Variants in ATRNL1 observed in about 807,000 individuals in gnomAD.
The protein encoded by ATRNL1 is attractin-like protein 1.
Under a neutral mutation model 182.7 loss-of-function variants are expected in ATRNL1, and 95 were observed. The observed-to-expected ratio is 0.52, with a 90% confidence interval of 0.44 to 0.62. The LOEUF is 0.62. ATRNL1 is among the 20% of genes least tolerant of loss of function. ATRNL1 has a pLI of 0.00. For missense variants in ATRNL1, 1,471 were observed against 1,679.5 expected (o/e 0.88, Z 2.17); for synonymous variants, 576 against 568.3 (o/e 1.01, Z -0.19).
chr10:115,927,000 C>T (rs999491863), intron 28 of ATRNL1, among the ~76,000 whole-genome samples: 3 of 152,000 alleles, frequency 2.0e-5, no homozygotes, highest in African/African-American at 4.8e-5. Context: ...TGATGAACAT[C>T]GATGCAAAAA....
intron 19 of ATRNL1, among the ~76,000 whole-genome samples, chr10:115,377,952 G>A (rs597657): frequency 0.027 from 4,047 of 152,142 alleles, 211 homozygotes; most frequent in African/African-American, 0.093. Context: ...CAGACATTTG[G>A]TCTGTGGCCA....
intron 26 of ATRNL1, among the ~76,000 whole-genome samples, chr10:115,692,066 CA>C (rs1401608635): frequency 7.9e-5 from 12 of 152,244 alleles, no homozygotes; most frequent in African/African-American, 2.9e-4. Context: ...TTAACTTCAC[CA>C]ATGAGGCAGT....
intron 15 of ATRNL1, among the ~76,000 whole-genome samples, chr10:115,290,961 A>T (rs1313274280): frequency 2.0e-5 from 3 of 152,164 alleles, no homozygotes; most frequent in Admixed American, 2.0e-4. Context: ...CACGTGGTTG[A>T]CAAAGAAAAG....
Position 115,948,349 on chromosome 10 carries a change from AG to A in ATRNL1, c.*3572del, listed in dbSNP as rs1953921021. On this transcript the variant is annotated 3_prime_UTR_variant, in exon 29 of 29. Transcript: ENST00000355044. ...AGTGAACATAAAACTATGATTTGAA[AG>A]GTGTCTTATATTTAAAAAAGATTGT... The A allele has an allele frequency of 6.6e-6, 1 of 152,234 alleles. No homozygotes were observed. Among genetic ancestry groups the A allele is most frequent in the Non-Finnish European group, 1.5e-5 (1 of 68,038 alleles). The allele number at this position is 152,234 out of a possible 1,614,324, so 9.4% of individuals were successfully genotyped here.
At chr10:115,468,912 G>A (rs1848181208) in intron 23 of ATRNL1, among the ~76,000 whole-genome samples, 1 of 150,512 alleles carries the variant, frequency 6.6e-6, no homozygotes, top group African/African-American at 2.4e-5. Context: ...GATATTATTG[G>A]TTTTAAAAAA....
chr10:115,511,578 C>T lies in ATRNL1; in HGVS notation c.3655-7685C>T, dbSNP rs182578030. 1.7e-3 allele frequency among the ~76,000 whole-genome samples: 257 copies of T among 151,902 alleles called. 2 individuals are homozygous for T. Among genetic ancestry groups the T allele is most frequent in the Non-Finnish European group, 5.8e-4 (39 of 67,822 alleles). Reference sequence around the variant, plus strand: ...CTGGCAAGCTGACGTTTTGCACAAACACATCAATTTATCTTTCATAAAATA... The same window carrying T: ...CTGGCAAGCTGACGTTTTGCACAAATACATCAATTTATCTTTCATAAAATA... On this transcript the variant is annotated intron_variant, in intron 24 of 28. Transcript: ENST00000355044.
chr10:115,821,336 T>C (rs1555090253), intron 27 of ATRNL1, among the ~76,000 whole-genome samples: 1 of 152,194 alleles, frequency 6.6e-6, no homozygotes, highest in Non-Finnish European at 1.5e-5. Flanking sequence ...CGTTAGTTGA[T>C]GCAGTTTCTT....
At chr10:115,245,997 GATT>G (rs1850621526) in intron 10 of ATRNL1, among the ~76,000 whole-genome samples, 1 of 151,950 alleles carries the variant, frequency 6.6e-6, no homozygotes, top group African/African-American at 2.4e-5. Flanking sequence ...TTTTTGTTGG[GATT>G]ATATACAAGA....
intron 17 of ATRNL1, among the ~76,000 whole-genome samples, chr10:115,312,775 C>T (rs1554928290): frequency 1.3e-5 from 2 of 152,128 alleles, no homozygotes; most frequent in East Asian, 3.8e-4. Flanking sequence ...TACCTAATCT[C>T]ATATTTCTTG....
At chr10:115,388,756 G>C (rs1345358909) in intron 19 of ATRNL1, among the ~76,000 whole-genome samples, 3 of 151,568 alleles carry the variant, frequency 2.0e-5, no homozygotes, top group Admixed American at 6.6e-5. Context: ...CATTCATGGA[G>C]ATTTGTAATT....
intron 20 of ATRNL1, among the ~76,000 whole-genome samples, chr10:115,404,352 A>C (rs1194919143): frequency 6.6e-6 from 1 of 152,200 alleles, no homozygotes; most frequent in Non-Finnish European, 1.5e-5. Flanking sequence ...TCCGGTAGAC[A>C]GAAGTAACAC....
intron 26 of ATRNL1, among the ~76,000 whole-genome samples, chr10:115,644,978 A>G (rs1180418064): frequency 1.3e-5 from 2 of 152,142 alleles, no homozygotes. Context: ...CACTTGCAAG[A>G]TAGAAAGGCG....
chr10:115,684,480 A>AT (rs1946155935), intron 26 of ATRNL1, among the ~76,000 whole-genome samples: 1 of 150,498 alleles, frequency 6.6e-6, no homozygotes, highest in African/African-American at 2.4e-5. Flanking sequence ...TAACAATTTT[A>AT]TATCTGTAAG....
chr10:115,742,562 A>G (rs1948169152), intron 27 of ATRNL1, among the ~76,000 whole-genome samples: 1 of 152,128 alleles, frequency 6.6e-6, no homozygotes, highest in Admixed American at 6.6e-5. Context: ...TAAGACAAAA[A>G]CTGAGTTATC....
At chr10:115,342,073 T>C (rs553420498) in intron 19 of ATRNL1, among the ~76,000 whole-genome samples, 2 of 152,248 alleles carry the variant, frequency 1.3e-5, no homozygotes, top group East Asian at 3.9e-4. Context: ...GGTTGTTTTG[T>C]GTTCTTCTCT....
intron 1 of ATRNL1, among the ~76,000 whole-genome samples, chr10:115,107,550 G>T (rs559609712): frequency 5.2e-4 from 79 of 152,126 alleles, no homozygotes; most frequent in African/African-American, 1.8e-3. Flanking sequence ...CATGCCTGCC[G>T]CTCTTATAGT....
chr10:115,101,621 T>G (rs1402941926), intron 1 of ATRNL1, among the ~76,000 whole-genome samples: 1 of 152,188 alleles, frequency 6.6e-6, no homozygotes, highest in Non-Finnish European at 1.5e-5. Flanking sequence ...TATTTAGAAT[T>G]TTTGTATCTG....
intron 20 of ATRNL1, among the ~76,000 whole-genome samples, chr10:115,412,828 A>G (rs188957050): frequency 2.0e-5 from 3 of 152,298 alleles, no homozygotes; most frequent in African/African-American, 7.2e-5. Context: ...AGTAATTTAC[A>G]TTTTATATCT....
chr10:115,569,107 A>C (rs1555002703), intron 26 of ATRNL1, among the ~76,000 whole-genome samples: 1 of 152,072 alleles, frequency 6.6e-6, no homozygotes, highest in African/African-American at 2.4e-5. Flanking sequence ...AGAATGTGAA[A>C]AACCTCATCT....
Sources: gnomAD v4.1 joint callset for allele counts (sites outside exome capture counted in the v4.1 genomes callset) on GRCh38, gnomAD v4.1.1 for gene constraint, MANE v1.5 for transcripts, NCBI Gene and HGNC (gene_info 2026-07-23, HGNC 2026-07-21) for gene names.